The following RFTN1 variants were observed in gnomAD, a reference collection of about 807,000 sequenced individuals.
The protein encoded by RFTN1 is raftlin, lipid raft linker 1.
A neutral mutation model predicts 46.5 loss-of-function variants in RFTN1; 26 were observed. The ratio of observed to expected loss-of-function variants is 0.56; its 90% CI spans 0.41 to 0.78. RFTN1 has a LOEUF of 0.78. Among genes scored for constraint, RFTN1 ranks in the 30% least tolerant of loss-of-function variants. The pLI is 0.00. For synonymous variants in RFTN1, 261 were observed against 284.2 expected (o/e 0.92, Z 0.82); for missense variants, 693 against 718.7 (o/e 0.96, Z 0.41).
chr3:16,391,877 TTTTTGTTTTTTTTTTTG>T (rs760631000), intron 4 of RFTN1, among the ~76,000 whole-genome samples: 15,212 of 45,968 alleles, frequency 0.33, 2,599 homozygotes, highest in Non-Finnish European at 0.38. Flanking sequence ...TTGTTTTTTT[TTTTTGTTTTTTTTTTTG>T]TTTTTTTTAC....
At chr3:16,434,801 A>G (rs2075470467) in intron 2 of RFTN1, 2 of 152,214 alleles carry the variant, frequency 1.3e-5, no homozygotes, top group Non-Finnish European at 2.9e-5. Context: ...CTTAAGACAA[A>G]GGGCTAATTT....
chr3:16,463,367 AT>A (rs1471551378), intron 2 of RFTN1, among the ~76,000 whole-genome samples: 1 of 151,716 alleles, frequency 6.6e-6, no homozygotes, highest in African/African-American at 2.4e-5. Flanking sequence ...TATATGTTCC[AT>A]TTTTCCCTCT....
intron 4 of RFTN1, among the ~76,000 whole-genome samples, chr3:16,403,416 A>G (rs1201939055): frequency 3.3e-5 from 5 of 150,512 alleles, no homozygotes; most frequent in Non-Finnish European, 7.4e-5. Context: ...GGTTAAGGGT[A>G]GAGTAGACAT....
At chr3:16,485,587 C>T (rs2076436110) in intron 2 of RFTN1, among the ~76,000 whole-genome samples, 1 of 152,234 alleles carries the variant, frequency 6.6e-6, no homozygotes, top group African/African-American at 2.4e-5. Context: ...CAAAAAGAAG[C>T]AAAACTATTC....
In RFTN1 at chr3:16,509,081, T is replaced by G. The variant is rs2125015684; in HGVS notation, c.-9+4361A>C. On this transcript the variant is annotated intron_variant, in intron 1 of 9. Coordinates refer to ENST00000334133, the MANE Select transcript of RFTN1 (RefSeq NM_015150.2). The surrounding 1 kb of genome is among the most constrained non-coding windows in gnomAD (Gnocchi z 4.9). ...CAGTTCAGCTGGCAACGTCTTTCTGTTCCTTCAATAAAATTGTAATCCTAA... is the reference window on the plus strand; with the variant it reads ...CAGTTCAGCTGGCAACGTCTTTCTGGTCCTTCAATAAAATTGTAATCCTAA... 6.6e-6 allele frequency among the ~76,000 whole-genome samples: 1 copy of G among 152,366 alleles called. No individual in the cohort carries two copies. Among genetic ancestry groups the G allele is most frequent in the East Asian group, 1.9e-4 (1 of 5,190 alleles).
chr3:16,374,440 G>C lies in RFTN1; in HGVS notation c.826+3278C>G, dbSNP rs2073662820. On this transcript the variant is annotated intron_variant, in intron 5 of 9. Transcript: ENST00000334133. This position sits in a 1 kb window ranked among gnomAD's most constrained non-coding sequence, Gnocchi z 5.4. Reference sequence around the variant, plus strand: ...CATGGGGTCCAACTATCCCAAGGGAGTTGGGAGGGAAGGAGCCCTCACATC... The same window carrying C: ...CATGGGGTCCAACTATCCCAAGGGACTTGGGAGGGAAGGAGCCCTCACATC... Among the ~76,000 whole-genome samples the C allele has an allele frequency of 1.3e-5, 2 of 152,204 alleles. No individual in the cohort carries two copies. The highest frequency in any genetic ancestry group is 4.8e-5 in the African/African-American group (2 of 41,450).
At chr3:16,386,473 G>A (rs926974979) in intron 4 of RFTN1, among the ~76,000 whole-genome samples, 2 of 152,158 alleles carry the variant, frequency 1.3e-5, no homozygotes, top group African/African-American at 4.8e-5. Context: ...CTTCCCCAAG[G>A]TCAGACAACT....
At chr3:16,324,593 T>C (rs2069468319) in intron 8 of RFTN1, among the ~76,000 whole-genome samples, 1 of 141,440 alleles carries the variant, frequency 7.1e-6, no homozygotes, top group Admixed American at 7.4e-5. Context: ...ATCCTTGTAA[T>C]AAATAACAGA....
At chr3:16,372,176 T>C (rs2073538957) in intron 5 of RFTN1, among the ~76,000 whole-genome samples, 1 of 151,608 alleles carries the variant, frequency 6.6e-6, no homozygotes, top group Non-Finnish European at 1.5e-5. Flanking sequence ...AGGGAAGGAG[T>C]AGGAATGGGC....
chr3:16,336,652 C>G lies in RFTN1; in HGVS notation c.1147-9776G>C, dbSNP rs2070878535. Among the ~76,000 whole-genome samples the G allele has an allele frequency of 1.3e-5, 2 of 152,012 alleles. No individual in the cohort carries two copies. Among genetic ancestry groups the G allele is most frequent in the African/African-American group, 4.8e-5 (2 of 41,358 alleles). On this transcript the variant is annotated intron_variant, in intron 7 of 9. Transcript: ENST00000334133. This position sits in a 1 kb window ranked among gnomAD's most constrained non-coding sequence, Gnocchi z 6.0. ...AGACAACTTAGGCTTTCATAATGTT[C>G]AAAGAGAATAATTTTTTTTTTTTAA...
At position 16,427,277 on chromosome 3, in the gene RFTN1, CAA is replaced by C. The variant is rs952056435; in HGVS notation, c.332+6572_332+6573del. ...GCTAAGGCATTGACTCACTACTTCC[CAA>C]GAGTCCCCATTCAATGAGCCAGGCC... On this transcript the variant is annotated intron_variant, in intron 3 of 9. Coordinates refer to ENST00000334133, the MANE Select transcript of RFTN1 (RefSeq NM_015150.2). The surrounding 1 kb of genome is among the most constrained non-coding windows in gnomAD (Gnocchi z 5.4). Among the ~76,000 whole-genome samples, 3 of 152,132 alleles carry C rather than the reference CAA, an allele frequency of 2.0e-5. No individual in the cohort carries two copies. The highest frequency in any genetic ancestry group is 7.2e-5 in the African/African-American group (3 of 41,416).
chr3:16,472,779 T>G (rs2076220205), intron 2 of RFTN1, among the ~76,000 whole-genome samples: 1 of 152,228 alleles, frequency 6.6e-6, no homozygotes, highest in South Asian at 2.1e-4. Context: ...TTCTGGTCTC[T>G]TCATTACACA....
intron 1 of RFTN1, among the ~76,000 whole-genome samples, chr3:16,496,785 CAG>C (rs2076633154): frequency 6.6e-6 from 1 of 152,160 alleles, no homozygotes; most frequent in Admixed American, 6.5e-5. Flanking sequence ...AGAAAGCTAA[CAG>C]TAGCATTACT....
At chr3:16,501,915 A>G (rs1372547947) in intron 1 of RFTN1, among the ~76,000 whole-genome samples, 1 of 152,244 alleles carries the variant, frequency 6.6e-6, no homozygotes, top group African/African-American at 2.4e-5. Context: ...AGAACAATCT[A>G]TATCAAACTG....
At position 16,427,752 on chromosome 3, in the gene RFTN1, C is replaced by T. The variant is rs2075311627; in HGVS notation, c.332+6099G>A. On this transcript the variant is annotated intron_variant, in intron 3 of 9. Transcript: ENST00000334133. The surrounding 1 kb of genome is among the most constrained non-coding windows in gnomAD (Gnocchi z 5.4). ...CCCTGGCCTGAGGGGCTCATTACAG[C>T]ACCACACACAGCCTCCTCCAGGCTT... Among the ~76,000 whole-genome samples the T allele has an allele frequency of 6.6e-6, 1 of 152,192 alleles. No homozygotes were observed. Among genetic ancestry groups the T allele is most frequent in the Non-Finnish European group, 1.5e-5 (1 of 68,046 alleles).
intron 2 of RFTN1, among the ~76,000 whole-genome samples, chr3:16,453,137 G>A (rs769480102): frequency 1.3e-5 from 2 of 152,132 alleles, no homozygotes; most frequent in Admixed American, 6.5e-5. Flanking sequence ...AGAAAACTCT[G>A]GACCAGAGAA....
At position 16,316,106 on chromosome 3, in the gene RFTN1, T is replaced by A. The variant is rs2068363570; in HGVS notation, c.*722A>T. On this transcript the variant is annotated 3_prime_UTR_variant, in exon 10 of 10. Transcript: ENST00000334133. This position sits in a 1 kb window ranked among gnomAD's most constrained non-coding sequence, Gnocchi z 4.5. The stretch of plus-strand genomic sequence containing the variant: ...TCCCGATGCCCTGAAGTGACAGAAG[T>A]AATGTGGTTTGTATGATGTGCTGAG... The A allele has an allele frequency of 6.5e-6, 1 of 152,938 alleles. No homozygotes were observed. The highest frequency in any genetic ancestry group is 2.1e-4 in the South Asian group (1 of 4,830). 9.5% of individuals were successfully genotyped at this position (152,938 alleles called of 1,614,324 possible).
At chr3:16,409,322 C>G in intron 4 of RFTN1, 53 bp downstream of exon 4, 1 of 1,248,946 alleles carries the variant, frequency 8.0e-7, no homozygotes, top group South Asian at 1.2e-5. Flanking sequence ...TGCCTGTTCA[C>G]TCAGGGGAAC....
Position 16,466,447 on chromosome 3 carries a change from C to A in RFTN1, c.145+27278G>T, listed in dbSNP as rs990122500. Among the ~76,000 whole-genome samples the A allele has an allele frequency of 6.6e-6, 1 of 152,158 alleles. No homozygotes were observed. Among genetic ancestry groups the A allele is most frequent in the Non-Finnish European group, 1.5e-5 (1 of 68,026 alleles). ...AAGTGACCTCCAACATCATATACTC[C>A]AAATTCCTCAACTGGTGGTTCATGA... On this transcript the variant is annotated intron_variant, in intron 2 of 9. Coordinates refer to ENST00000334133, the MANE Select transcript of RFTN1 (RefSeq NM_015150.2). This position sits in a 1 kb window ranked among gnomAD's most constrained non-coding sequence, Gnocchi z 5.6.
Sources: allele counts gnomAD v4.1 joint callset (sites outside exome capture counted in the v4.1 genomes callset), GRCh38; gene constraint gnomAD v4.1.1; non-coding constraint Gnocchi (gnomAD v3.1); transcripts MANE v1.5; gene names NCBI Gene and HGNC (gene_info 2026-07-23, HGNC 2026-07-21).